The following TLN2 variants were observed in gnomAD, a reference collection of about 807,000 sequenced individuals.
TLN2 encodes the protein talin-2.
In TLN2, 118 loss-of-function variants were observed where a neutral mutation model predicts 294.7. The ratio of observed to expected loss-of-function variants is 0.40; its 90% CI spans 0.34 to 0.47. The LOEUF is 0.47. Among genes scored for constraint, TLN2 ranks in the 20% least tolerant of loss-of-function variants. The pLI is 0.84. For missense variants in TLN2, 3,083 were observed against 3,282.2 expected (o/e 0.94, Z 1.48); for synonymous variants, 1,431 against 1,304.5 (o/e 1.10, Z -2.09).
intron 23 of TLN2, among the ~76,000 whole-genome samples, chr15:62,717,082 T>A (rs1301786344): frequency 6.6e-6 from 1 of 152,184 alleles, no homozygotes; most frequent in African/African-American, 2.4e-5. Flanking sequence ...GGAAGAAAAG[T>A]AACATTGTTG....
chr15:62,492,126 T>C (rs540528986), intron 1 of TLN2, among the ~76,000 whole-genome samples: 69 of 152,216 alleles, frequency 4.5e-4, no homozygotes, highest in African/African-American at 1.6e-3. Flanking sequence ...TATGCTATTA[T>C]AGATAAATTA....
intron 3 of TLN2, among the ~76,000 whole-genome samples, chr15:62,623,360 A>G (rs1190814123): frequency 1.3e-5 from 2 of 152,210 alleles, no homozygotes; most frequent in Non-Finnish European, 2.9e-5. Context: ...AAAATCTCAC[A>G]GGTCATAAGT....
intron 48 of TLN2, among the ~76,000 whole-genome samples, chr15:62,797,824 C>T (rs916810384): frequency 6.6e-6 from 1 of 152,128 alleles, no homozygotes; most frequent in Non-Finnish European, 1.5e-5. Context: ...AGTGAGTGCG[C>T]GTGAGCCTGC....
intron 1 of TLN2, among the ~76,000 whole-genome samples, chr15:62,586,794 T>C (rs372878083): frequency 3.9e-5 from 6 of 152,372 alleles, no homozygotes; most frequent in African/African-American, 1.4e-4. Flanking sequence ...TCAATTCCCT[T>C]GTTAGTCAGG....
chr15:62,704,915 G>A (rs2058960114), intron 19 of TLN2, among the ~76,000 whole-genome samples: 1 of 152,022 alleles, frequency 6.6e-6, no homozygotes, highest in Non-Finnish European at 1.5e-5. Context: ...TGTTTTACTG[G>A]GCTTAATTAT....
intron 1 of TLN2, among the ~76,000 whole-genome samples, chr15:62,411,325 G>A (rs1370414705): frequency 1.3e-5 from 2 of 152,066 alleles, no homozygotes; most frequent in Non-Finnish European, 2.9e-5. Context: ...AAGTAATGAA[G>A]TTATTGCAAG....
At chr15:62,536,554 C>T (rs531958769) in intron 1 of TLN2, among the ~76,000 whole-genome samples, 6 of 152,244 alleles carry the variant, frequency 3.9e-5, no homozygotes, top group South Asian at 2.1e-4. Context: ...GGAATCCTGC[C>T]GATCTTGACA....
chr15:62,489,031 C>T (rs901505084), intron 1 of TLN2, among the ~76,000 whole-genome samples: 23 of 152,242 alleles, frequency 1.5e-4, no homozygotes, highest in African/African-American at 5.1e-4. Context: ...CATGGTGGTG[C>T]ATGCCTGTAG....
intron 3 of TLN2, among the ~76,000 whole-genome samples, chr15:62,646,161 T>TTTTC (rs896427713): frequency 1.1e-5 from 1 of 95,224 alleles, no homozygotes; most frequent in African/African-American, 3.8e-5. Flanking sequence ...ATCTCTTTTC[T>TTTTC]TTTCTTTCTT....
chr15:62,835,353 C>G, intron 55 of TLN2: 1 of 241,650 alleles, frequency 4.1e-6, no homozygotes, highest in Non-Finnish European at 8.1e-6. Context: ...TTAAATTTCT[C>G]TTAGCCCTTG....
chr15:62,698,796 ATGC>A lies in TLN2; in HGVS notation c.1517_1519del (p.Met506_His507delinsAsn). ...CCTGATGGGGACCATCAACACAAGCATGCACGCCGTCCAGCAGGCCCAGGATGA... is the reference window on the plus strand; with the variant it reads ...CCTGATGGGGACCATCAACACAAGCAACGCCGTCCAGCAGGCCCAGGATGA... On this transcript the variant is annotated inframe_deletion, in exon 16 of 59. Transcript: ENST00000636159. The A allele has an allele frequency of 6.2e-7, 1 of 1,612,504 alleles. No individual in the cohort carries two copies. Among genetic ancestry groups the A allele is most frequent in the Non-Finnish European group, 8.5e-7 (1 of 1,179,990 alleles).
At chr15:62,549,231 G>A (rs576601678) in intron 1 of TLN2, among the ~76,000 whole-genome samples, 206 of 152,186 alleles carry the variant, frequency 1.4e-3, no homozygotes, top group Non-Finnish European at 2.1e-3. Context: ...TCTTCTGTTC[G>A]GTTATTCCAT....
At chr15:62,696,714 A>G (rs1226411615) in intron 14 of TLN2, among the ~76,000 whole-genome samples, 1 of 152,206 alleles carries the variant, frequency 6.6e-6, no homozygotes, top group African/African-American at 2.4e-5. Flanking sequence ...GTCTTAAAAA[A>G]ATAAATTTTA....
At position 62,796,153 on chromosome 15, in the gene TLN2, G is replaced by A; in HGVS notation, c.5910G>A (p.Gln1970=). 2 of 1,614,218 alleles carry A rather than the reference G, an allele frequency of 1.2e-6. No homozygotes were observed. Among genetic ancestry groups the A allele is most frequent in the Admixed American group, 3.3e-5 (2 of 60,032 alleles). Residue 1970 remains glutamine, a synonymous_variant, in exon 47 of 59, where the codon CAG becomes CAA. Coordinates refer to ENST00000636159, the MANE Select transcript of TLN2 (RefSeq NM_015059.3). ...TCTCCTTGGTGCTCTCGGCTCTCCA[G>A]GCCGGGAACAAAGGAACCCAGGCAT... is the stretch of plus-strand genomic sequence containing the variant. The part of the protein sequence containing the change: ...EKVSLVLSAL[Q]AGNKGTQACI...
chr15:62,551,760 C>T (rs1181424649), intron 1 of TLN2, among the ~76,000 whole-genome samples: 1 of 152,176 alleles, frequency 6.6e-6, no homozygotes. Context: ...TACCCAGCTA[C>T]CATTACAAGC....
intron 1 of TLN2, among the ~76,000 whole-genome samples, chr15:62,468,028 C>T (rs1057130713): frequency 6.6e-6 from 1 of 152,166 alleles, no homozygotes; most frequent in Non-Finnish European, 1.5e-5. Context: ...TAAAGGTTGT[C>T]TAGCTTTTAA....
In TLN2 at chr15:62,840,432, G is replaced by C. The variant is rs767642686; in HGVS notation, c.7501-50G>C. 3 of 1,606,702 alleles carry C rather than the reference G, an allele frequency of 1.9e-6. No homozygotes were observed. In the South Asian group the frequency reaches 3.3e-5, roughly 18 times the overall value. On this transcript the variant is annotated intron_variant, in intron 58 of 58. Transcript: ENST00000636159. ...CACATGAGCAGTGGGGTGGGTCGGAGGGTTTTCTACAAAGTGTTAGGTCCA... is the reference window on the plus strand; with the variant it reads ...CACATGAGCAGTGGGGTGGGTCGGACGGTTTTCTACAAAGTGTTAGGTCCA...
chr15:62,496,876 C>T (rs2039043372), intron 1 of TLN2, among the ~76,000 whole-genome samples: 1 of 152,166 alleles, frequency 6.6e-6, no homozygotes, highest in Non-Finnish European at 1.5e-5. Context: ...GTAAAATGAG[C>T]TGTGTTCTGT....
intron 1 of TLN2, among the ~76,000 whole-genome samples, chr15:62,566,604 G>A (rs926870302): frequency 6.6e-6 from 1 of 151,364 alleles, no homozygotes; most frequent in East Asian, 1.9e-4. Context: ...TGGCAGCATT[G>A]AGTAGCCACA....
Sources: gnomAD v4.1 joint callset for allele counts (sites outside exome capture counted in the v4.1 genomes callset) on GRCh38, gnomAD v4.1.1 for gene constraint, MANE v1.5 for transcripts, NCBI Gene and HGNC (gene_info 2026-07-23, HGNC 2026-07-21) for gene names.